Variants in CERS4 observed in about 807,000 individuals in gnomAD.
The protein encoded by CERS4 is ceramide synthase 4, also known as LAG1 homolog, ceramide synthase 4.
CERS4 carries 65 observed loss-of-function variants against 51.8 expected under a neutral mutation model. The ratio of observed to expected loss-of-function variants is 1.26; its 90% CI spans 1.03 to 1.54. The LOEUF (loss-of-function observed/expected upper bound fraction) is 1.54, where lower values mean the gene tolerates loss of function less well. CERS4 is among the 40% of genes most tolerant of loss of function. The pLI, the probability that CERS4 is intolerant of heterozygous loss-of-function variation, is 0.00. For synonymous variants in CERS4, 228 were observed against 208.4 expected, an observed-to-expected ratio of 1.09 and a Z score of -0.81; for missense variants, 563 against 500.4, an observed-to-expected ratio of 1.13 and a Z score of -1.19.
intron 2 of CERS4, among the ~76,000 whole-genome samples, chr19:8,250,270 C>G (rs115789107): frequency 1.4e-4 from 21 of 152,238 alleles, no homozygotes; most frequent in Middle Eastern, 3.4e-3. Context: ...CCATGGTGCC[C>G]GGCCACGACT....
chr19:8,253,287 A>C (rs960789072), intron 3 of CERS4, among the ~76,000 whole-genome samples: 1 of 152,000 alleles, frequency 6.6e-6, no homozygotes, highest in Non-Finnish European at 1.5e-5. Flanking sequence ...GCCCCTGCCC[A>C]TGGGGAGCCC....
chr19:8,247,072 A>T (rs1328275093), intron 2 of CERS4, among the ~76,000 whole-genome samples: 1 of 152,202 alleles, frequency 6.6e-6, no homozygotes, highest in Non-Finnish European at 1.5e-5. Context: ...AGACTGAGGC[A>T]CGAGAATTGC....
intron 2 of CERS4, among the ~76,000 whole-genome samples, chr19:8,245,122 A>AAAACAAAAACAAAAAAAC (rs1968711167): frequency 7.7e-6 from 1 of 129,258 alleles, no homozygotes; most frequent in African/African-American, 3.2e-5. Context: ...AAAAAAAAAA[A>AAAACAAAAACAAAAAAAC]AAAAAAAAAA....
At chr19:8,251,008 C>T in intron 2 of CERS4, 68 bp from the exon 3 acceptor site, 6 of 1,505,790 alleles carry the variant, frequency 4.0e-6, no homozygotes, top group Non-Finnish European at 5.3e-6. Context: ...GCTCCAGCCT[C>T]TCAGGCCCCA....
intron 10 of CERS4, among the ~76,000 whole-genome samples, chr19:8,259,178 T>G (rs1222421294): frequency 6.7e-6 from 1 of 150,156 alleles, no homozygotes; most frequent in Non-Finnish European, 1.5e-5. Context: ...ATGGGAGAGG[T>G]GGGTAGTTGG....
chr19:8,218,845 G>A (rs2145171615), intron 2 of CERS4, among the ~76,000 whole-genome samples: 1 of 152,306 alleles, frequency 6.6e-6, no homozygotes, highest in South Asian at 2.1e-4. Flanking sequence ...CCAGAGGGCT[G>A]ATGGAAGACG....
chr19:8,259,916 A>T lies in CERS4; in HGVS notation c.849-1772A>T, dbSNP rs916173640. On this transcript the variant is annotated intron_variant, in intron 10 of 11. Transcript: ENST00000251363. ...GAGAGAGGAAGAACAGGGCCCATGG[A>T]GCATGAGAGTCAGATTACATCCCTC... Among the ~76,000 whole-genome samples, 3 of 152,094 alleles carry T rather than the reference A, an allele frequency of 2.0e-5. No individual in the cohort carries two copies. The East Asian group carries it at 5.8e-4, about 29-fold the overall frequency.
chr19:8,247,059 G>A (rs1324172223), intron 2 of CERS4, among the ~76,000 whole-genome samples: 3 of 152,098 alleles, frequency 2.0e-5, no homozygotes, highest in Non-Finnish European at 2.9e-5. Context: ...CCAGCTACTC[G>A]GGAGACTGAG....
In CERS4 at chr19:8,256,919, G is replaced by A. The variant is rs151055823; in HGVS notation, c.613-30G>A. 371 of 1,613,880 alleles carry A rather than the reference G, an allele frequency of 2.3e-4. 1 individual carries two copies. The African/African-American group carries it at 3.7e-3, about 16-fold the overall frequency. ...GGGGGACCTTCCAGCATCAAGCCTCGTCCCCACTATGACCCACCGTCTACT... is the reference window on the plus strand; with the variant it reads ...GGGGGACCTTCCAGCATCAAGCCTCATCCCCACTATGACCCACCGTCTACT... On this transcript the variant is annotated intron_variant, in intron 8 of 11. Coordinates refer to ENST00000251363, the MANE Select transcript of CERS4 (RefSeq NM_024552.3).
chr19:8,256,916 C>T (rs1238400247), intron 8 of CERS4, 33 bp from the exon 9 acceptor site: 1 of 1,613,894 alleles, frequency 6.2e-7, no homozygotes, highest in South Asian at 1.1e-5. Context: ...AGCATCAAGC[C>T]TCGTCCCCAC....
At chr19:8,256,924 C>T (rs1969418455) in intron 8 of CERS4, 25 bp from the exon 9 acceptor site, 1 of 1,613,938 alleles carries the variant, frequency 6.2e-7, no homozygotes, top group Non-Finnish European at 8.5e-7. Flanking sequence ...GCCTCGTCCC[C>T]ACTATGACCC....
At chr19:8,230,325 G>T (rs778800018) in intron 2 of CERS4, among the ~76,000 whole-genome samples, 7 of 152,062 alleles carry the variant, frequency 4.6e-5, no homozygotes, top group Non-Finnish European at 1.0e-4. Context: ...GAGTAGCTGG[G>T]ATTACAGGCA....
rs149091690 is a variant in CERS4, at chr19:8,215,223, G to T, written c.-2+4361G>T. The stretch of plus-strand genomic sequence containing the variant: ...GCCAGGCGCGGTGGCTCACACCTGT[G>T]ATCCCAGCACTTTGGGAGGCCGATG... On this transcript the variant is annotated intron_variant, in intron 2 of 11. Transcript: ENST00000251363. Among the ~76,000 whole-genome samples, 422 of 152,044 alleles carry T rather than the reference G, an allele frequency of 2.8e-3. 1 individual carries two copies. The highest frequency in any genetic ancestry group is 9.9e-3 in the African/African-American group (409 of 41,476).
chr19:8,257,749 T>G, intron 9 of CERS4, 130 bp from the exon 10 acceptor site: 1 of 699,066 alleles, frequency 1.4e-6, no homozygotes, highest in Non-Finnish European at 2.5e-6. Flanking sequence ...ACTCTTTACC[T>G]TTCCTGAAAA....
At chr19:8,224,121 AAAAAAG>A (rs1291749059) in intron 2 of CERS4, among the ~76,000 whole-genome samples, 3 of 132,624 alleles carry the variant, frequency 2.3e-5, no homozygotes, top group African/African-American at 2.8e-5. Flanking sequence ...AAAAAAAAAA[AAAAAAG>A]GCCAGGCACG....
chr19:8,249,069 AATG>A (rs558750533), intron 2 of CERS4, among the ~76,000 whole-genome samples: 1 of 141,174 alleles, frequency 7.1e-6, no homozygotes, highest in African/African-American at 2.8e-5. Context: ...GATGATGAAT[AATG>A]GGTGGATAGA....
intron 2 of CERS4, among the ~76,000 whole-genome samples, chr19:8,236,517 A>T (rs1968260129): frequency 6.6e-6 from 1 of 150,670 alleles, no homozygotes; most frequent in African/African-American, 2.4e-5. Flanking sequence ...ATCTCTACAA[A>T]AAAGTACAAA....
chr19:8,261,464 G>A lies in CERS4; in HGVS notation c.849-224G>A, dbSNP rs2145348302. On this transcript the variant is annotated intron_variant, in intron 10 of 11. Coordinates refer to ENST00000251363, the MANE Select transcript of CERS4 (RefSeq NM_024552.3). ...CCGCTTGGGTGGGGTTCATAGTCAT[G>A]AATGGCCAGTCAGGGAGCTCGTGTG... 1.9e-5 allele frequency: 11 copies of A among 579,336 alleles called. No homozygotes were observed. In the South Asian group the frequency reaches 2.3e-4, roughly 12 times the overall value. 35.9% of individuals were successfully genotyped at this position (579,336 alleles called of 1,614,324 possible).
At chr19:8,233,389 ACTCCTGACCTCAGGTGATC>A (rs2145215834) in intron 2 of CERS4, among the ~76,000 whole-genome samples, 1 of 151,270 alleles carries the variant, frequency 6.6e-6, no homozygotes, top group South Asian at 2.1e-4. Flanking sequence ...CTGGTCTCAA[ACTCCTGACCTCAGGTGATC>A]CGCCTGCCTC....
Sources: allele counts gnomAD v4.1 joint callset (sites outside exome capture counted in the v4.1 genomes callset), GRCh38; gene constraint gnomAD v4.1.1; transcripts MANE v1.5; gene names NCBI Gene and HGNC (gene_info 2026-07-23, HGNC 2026-07-21).